UBE2E2: variants seen among roughly 807,000 people sequenced by gnomAD.
The protein encoded by UBE2E2 is ubiquitin conjugating enzyme E2 E2.
UBE2E2 carries 6 observed loss-of-function variants against 24.7 expected under a neutral mutation model. The observed-to-expected ratio is 0.24, with a 90% CI of 0.13 to 0.48. The LOEUF (loss-of-function observed/expected upper bound fraction) is 0.48, where lower values mean the gene tolerates loss of function less well. Ranked by LOEUF, UBE2E2 falls within the 20% of genes least tolerant of loss-of-function variation. The pLI, the probability that UBE2E2 is intolerant of heterozygous loss-of-function variation, is 0.99. For synonymous variants in UBE2E2, 104 were observed against 83.6 expected (o/e 1.24, Z -1.33); for missense variants, 169 against 245.0 (o/e 0.69, Z 2.07).
chr3:23,395,222 G>T (rs1255719229), intron 3 of UBE2E2, among the ~76,000 whole-genome samples: 2 of 152,124 alleles, frequency 1.3e-5, no homozygotes, highest in Admixed American at 1.3e-4. Context: ...CTCTTAAAAA[G>T]CAGCCAAACA....
intron 3 of UBE2E2, among the ~76,000 whole-genome samples, chr3:23,325,938 A>T (rs761137814): frequency 6.6e-6 from 1 of 152,184 alleles, no homozygotes; most frequent in Non-Finnish European, 1.5e-5. Flanking sequence ...GAAAGAACAA[A>T]TATTTTTAAC....
chr3:23,224,443 A>AT (rs990731503), intron 3 of UBE2E2, among the ~76,000 whole-genome samples: 2 of 148,856 alleles, frequency 1.3e-5, no homozygotes, highest in Non-Finnish European at 3.0e-5. Flanking sequence ...TGCTTTCTTG[A>AT]TTTTTTTCAG....
At chr3:23,372,768 G>C (rs1214607341) in intron 3 of UBE2E2, among the ~76,000 whole-genome samples, 1 of 152,072 alleles carries the variant, frequency 6.6e-6, no homozygotes, top group East Asian at 1.9e-4. Flanking sequence ...TTATAGACCA[G>C]TTTAAAATAT....
At chr3:23,411,280 C>T (rs933736344) in intron 3 of UBE2E2, among the ~76,000 whole-genome samples, 5 of 152,152 alleles carry the variant, frequency 3.3e-5, no homozygotes, top group Admixed American at 6.6e-5. Context: ...TTGGGAGTCA[C>T]TTGCGGTTGG....
intron 3 of UBE2E2, among the ~76,000 whole-genome samples, chr3:23,433,523 G>A (rs75526640): frequency 0.035 from 5,347 of 151,974 alleles, 143 homozygotes; most frequent in Non-Finnish European, 0.054. Context: ...TTAATTTTTT[G>A]AAACTAAGTA....
intron 3 of UBE2E2, among the ~76,000 whole-genome samples, chr3:23,364,082 A>C (rs902813565): frequency 1.3e-5 from 2 of 152,052 alleles, no homozygotes; most frequent in African/African-American, 4.8e-5. Flanking sequence ...AACCAAGTAC[A>C]ACATACCAGA....
chr3:23,372,178 A>G (rs1165114258), intron 3 of UBE2E2, among the ~76,000 whole-genome samples: 2 of 152,198 alleles, frequency 1.3e-5, no homozygotes, highest in Non-Finnish European at 2.9e-5. Flanking sequence ...CTTAATGTTT[A>G]TACATTTTGC....
chr3:23,305,809 A>T (rs547471430), intron 3 of UBE2E2, among the ~76,000 whole-genome samples: 1 of 152,278 alleles, frequency 6.6e-6, no homozygotes, highest in African/African-American at 2.4e-5. Flanking sequence ...AGCTTACCGC[A>T]GCCTGGAGCT....
rs914521791 is a variant in UBE2E2 at position 23,491,890 on chromosome 3, G to C, written c.228-7718G>C. Reference sequence around the variant, plus strand: ...TGAGAGCTGATGCGGCCAATAATCAGAGTACAGAGATAACAATGAAGTAAG... The same window carrying C: ...TGAGAGCTGATGCGGCCAATAATCACAGTACAGAGATAACAATGAAGTAAG... On this transcript the variant is annotated intron_variant, in intron 3 of 5. Coordinates refer to ENST00000396703, the MANE Select transcript of UBE2E2 (RefSeq NM_152653.4). Among the ~76,000 whole-genome samples, 3 of 152,182 alleles carry C rather than the reference G, an allele frequency of 2.0e-5. 1 individual carries two copies. The South Asian group carries it at 6.2e-4, about 32-fold the overall frequency.
At chr3:23,276,215 T>C (rs12493361) in intron 3 of UBE2E2, among the ~76,000 whole-genome samples, 42,519 of 152,034 alleles carry the variant, frequency 0.28, 7,420 homozygotes, top group Admixed American at 0.47. Flanking sequence ...AGGTACATCC[T>C]ACCTTCCCCC....
At chr3:23,588,917 G>A (rs529369347) in intron 5 of UBE2E2, among the ~76,000 whole-genome samples, 1 of 152,162 alleles carries the variant, frequency 6.6e-6, no homozygotes, top group African/African-American at 2.4e-5. Context: ...CAAATTTTGA[G>A]GAAGAAGTGG....
intron 3 of UBE2E2, among the ~76,000 whole-genome samples, chr3:23,399,885 T>C (rs1697175922): frequency 6.6e-6 from 1 of 152,212 alleles, no homozygotes; most frequent in South Asian, 2.1e-4. Context: ...TGTCAGACTC[T>C]TCCTCACTTT....
intron 3 of UBE2E2, among the ~76,000 whole-genome samples, chr3:23,387,464 T>C (rs922885228): frequency 2.0e-5 from 3 of 152,208 alleles, no homozygotes; most frequent in Non-Finnish European, 4.4e-5. Flanking sequence ...TGTGATTCCC[T>C]TTTTTATCTA....
intron 3 of UBE2E2, among the ~76,000 whole-genome samples, chr3:23,397,072 G>C (rs1434587348): frequency 6.6e-6 from 1 of 152,194 alleles, no homozygotes; most frequent in African/African-American, 2.4e-5. Flanking sequence ...TCCAGAGAGG[G>C]TTATAATTGA....
intron 3 of UBE2E2, among the ~76,000 whole-genome samples, chr3:23,265,404 G>A (rs1698020845): frequency 6.6e-6 from 1 of 152,134 alleles, no homozygotes; most frequent in Admixed American, 6.6e-5. Flanking sequence ...TGTGAATGAA[G>A]CATGCATAAC....
At chr3:23,302,020 A>G (rs1699110585) in intron 3 of UBE2E2, among the ~76,000 whole-genome samples, 1 of 152,168 alleles carries the variant, frequency 6.6e-6, no homozygotes, top group Non-Finnish European at 1.5e-5. Flanking sequence ...TTGCTGACAC[A>G]TGTCCATTCA....
intron 3 of UBE2E2, among the ~76,000 whole-genome samples, chr3:23,233,119 T>C (rs967655683): frequency 6.6e-6 from 1 of 151,884 alleles, no homozygotes; most frequent in African/African-American, 2.4e-5. Flanking sequence ...TGCAGTGGAG[T>C]GAGGGAGTTG....
chr3:23,245,587 G>A (rs762897917), intron 3 of UBE2E2, among the ~76,000 whole-genome samples: 6 of 152,026 alleles, frequency 3.9e-5, no homozygotes, highest in Non-Finnish European at 8.8e-5. Flanking sequence ...ATCACAGGCC[G>A]TATTTAGATC....
intron 5 of UBE2E2, among the ~76,000 whole-genome samples, chr3:23,540,028 T>TAAGTA (rs2125491411): frequency 6.6e-6 from 1 of 152,170 alleles, no homozygotes; most frequent in East Asian, 1.9e-4. Context: ...CACCTATATT[T>TAAGTA]AGTAAGGTTT....
Sources: gnomAD v4.1 joint callset for allele counts (sites outside exome capture counted in the v4.1 genomes callset) on GRCh38, gnomAD v4.1.1 for gene constraint, MANE v1.5 for transcripts, NCBI Gene and HGNC (gene_info 2026-07-23, HGNC 2026-07-21) for gene names.